CPEB3: variants seen among roughly 807,000 people sequenced by gnomAD.
The protein encoded by CPEB3 is cytoplasmic polyadenylation element binding protein 3, also known as cytoplasmic polyadenylation element-binding protein 3.
Under a neutral mutation model 67.2 loss-of-function variants are expected in CPEB3, and 20 were observed. The observed-to-expected ratio is 0.30, with a 90% confidence interval of 0.21 to 0.43. The LOEUF is 0.43. CPEB3 is among the 20% of genes least tolerant of loss of function. CPEB3 has a pLI of 1.00. For missense variants in CPEB3, 746 were observed against 968.6 expected, an observed-to-expected ratio of 0.77 and a Z score of 3.05; for synonymous variants, 376 against 393.1, an observed-to-expected ratio of 0.96 and a Z score of 0.51.
At chr10:92,172,896 T>C (rs762326841) in intron 4 of CPEB3, among the ~76,000 whole-genome samples, 5 of 152,356 alleles carry the variant, frequency 3.3e-5, no homozygotes, top group Non-Finnish European at 7.3e-5. Flanking sequence ...TAGATCTATA[T>C]GTGTTATAAC....
At chr10:92,179,020 T>C (rs949306876) in intron 4 of CPEB3, among the ~76,000 whole-genome samples, 2 of 152,116 alleles carry the variant, frequency 1.3e-5, no homozygotes, top group African/African-American at 4.8e-5. Context: ...CATTCAAAGA[T>C]TGATGCACTC....
At chr10:92,264,403 C>CTAT (rs1156703910) in intron 1 of CPEB3, among the ~76,000 whole-genome samples, 2 of 151,904 alleles carry the variant, frequency 1.3e-5, no homozygotes, top group Non-Finnish European at 2.9e-5. Flanking sequence ...AAGCTCAGGT[C>CTAT]TATTTTTATT....
chr10:92,103,389 C>T (rs1212726445), intron 7 of CPEB3, among the ~76,000 whole-genome samples: 1 of 152,214 alleles, frequency 6.6e-6, no homozygotes, highest in Non-Finnish European at 1.5e-5. Flanking sequence ...ACTTAAACAG[C>T]ACCACACCAT....
At chr10:92,146,172 G>A (rs1197277459) in intron 4 of CPEB3, among the ~76,000 whole-genome samples, 3 of 152,060 alleles carry the variant, frequency 2.0e-5, no homozygotes, top group Non-Finnish European at 4.4e-5. Flanking sequence ...AGTTTGTAGA[G>A]CAAAAGTATC....
intron 4 of CPEB3, among the ~76,000 whole-genome samples, chr10:92,153,226 T>G (rs182193650): frequency 6.6e-6 from 1 of 152,360 alleles, no homozygotes; most frequent in East Asian, 1.9e-4. Flanking sequence ...CTGGAATAGC[T>G]GATCTCTCTT....
intron 6 of CPEB3, among the ~76,000 whole-genome samples, chr10:92,119,350 C>T (rs1156516983): frequency 2.6e-5 from 4 of 152,100 alleles, no homozygotes; most frequent in African/African-American, 9.7e-5. Flanking sequence ...TCTAGTTTTC[C>T]CCTTGTTTCT....
At position 92,052,381 on chromosome 10, in the gene CPEB3, C is replaced by T. The variant is rs1284918101; in HGVS notation, c.1928G>A (p.Arg643His). The T allele has an allele frequency of 1.4e-5, 22 of 1,614,094 alleles. No individual in the cohort carries two copies. Among genetic ancestry groups the T allele is most frequent in the African/African-American group, 4.0e-5 (3 of 74,946 alleles). ...GAACGGGGCAAACTTCCCACCACAGCGTGTGCCCTGGCACTCATCACACAT... is the reference window on the plus strand; with the variant it reads ...GAACGGGGCAAACTTCCCACCACAGTGTGTGCCCTGGCACTCATCACACAT... ...DQMCDECQGT[R>H]CGGKFAPFFC... is the part of the protein sequence containing the mutation. The change falls in exon 10 of 10, where the codon CGC (arginine) becomes CAC (histidine). Residue 643 changes from arginine to histidine, a missense_variant. Around this residue, in one of 2 missense-constraint regions of CPEB3, gnomAD observed 103 missense variants for 251.1 expected, o/e 0.41. Coordinates refer to ENST00000265997, the MANE Select transcript of CPEB3 (RefSeq NM_014912.5).
intron 6 of CPEB3, among the ~76,000 whole-genome samples, chr10:92,120,723 CAG>C (rs1564796540): frequency 6.6e-6 from 1 of 151,546 alleles, no homozygotes; most frequent in Non-Finnish European, 1.5e-5. Context: ...TTTTTTGAGA[CAG>C]AGTCTTACTC....
At chr10:92,076,802 A>AGAG (rs1220619445) in intron 9 of CPEB3, among the ~76,000 whole-genome samples, 1 of 151,116 alleles carries the variant, frequency 6.6e-6, no homozygotes, top group Admixed American at 6.6e-5. Context: ...AGAAGGAGAA[A>AGAG]GAGGAGGAGG....
intron 3 of CPEB3, among the ~76,000 whole-genome samples, chr10:92,182,858 A>C (rs1412557958): frequency 6.6e-6 from 1 of 151,850 alleles, no homozygotes; most frequent in Non-Finnish European, 1.5e-5. Context: ...GCAGGGAAAA[A>C]CAAAACCCTC....
chr10:92,088,990 T>C (rs1843497200), intron 8 of CPEB3, among the ~76,000 whole-genome samples: 1 of 152,234 alleles, frequency 6.6e-6, no homozygotes, highest in Admixed American at 6.5e-5. Context: ...CTGAAATCTT[T>C]TGACTGTCTG....
At chr10:92,283,625 C>T (rs1842395020) in intron 1 of CPEB3, among the ~76,000 whole-genome samples, 1 of 152,104 alleles carries the variant, frequency 6.6e-6, no homozygotes, top group African/African-American at 2.4e-5. Flanking sequence ...TCAAAATTTC[C>T]AGGGCAGTTC....
At position 92,145,173 on chromosome 10, in the gene CPEB3, T is replaced by A. The variant is rs556287259; in HGVS notation, c.1223-88A>T. On this transcript the variant is annotated intron_variant, in intron 4 of 9. Coordinates refer to ENST00000265997, the MANE Select transcript of CPEB3 (RefSeq NM_014912.5). The stretch of plus-strand genomic sequence containing the variant: ...ATTTTCTAGGACAATAAATGCTCTA[T>A]TAGAAGCCCGAAGTGCAGAGAGAAG... The A allele has an allele frequency of 7.2e-5, 106 of 1,477,164 alleles. No individual in the cohort carries two copies. In the Middle Eastern group the frequency reaches 2.1e-3, roughly 29 times the overall value. 91.5% of individuals were successfully genotyped at this position (1,477,164 alleles called of 1,614,324 possible).
intron 1 of CPEB3, among the ~76,000 whole-genome samples, chr10:92,255,014 T>C (rs1181275215): frequency 6.6e-6 from 1 of 152,102 alleles, no homozygotes; most frequent in East Asian, 1.9e-4. Context: ...AGTTCTCTTG[T>C]CTGTAACTCC....
At chr10:92,234,654 C>A (rs1274191262) in intron 2 of CPEB3, among the ~76,000 whole-genome samples, 2 of 152,094 alleles carry the variant, frequency 1.3e-5, no homozygotes, top group African/African-American at 4.8e-5. Flanking sequence ...ATAGGCCGGG[C>A]ACAGTGGCTC....
chr10:92,211,189 C>T (rs181937620), intron 2 of CPEB3, among the ~76,000 whole-genome samples: 26 of 152,242 alleles, frequency 1.7e-4, no homozygotes, highest in African/African-American at 6.3e-4. Context: ...ACTGGTGGAA[C>T]AATATAAGCA....
chr10:92,289,732 A>AAAAAAAAAAAATATAT, intron 1 of CPEB3, among the ~76,000 whole-genome samples: 8 of 75,772 alleles, frequency 1.1e-4, no homozygotes, highest in African/African-American at 1.5e-4. Context: ...AAAAAAAAAA[A>AAAAAAAAAAAATATAT]ATATATATAT....
intron 1 of CPEB3, among the ~76,000 whole-genome samples, chr10:92,276,503 T>C (rs945243246): frequency 6.6e-6 from 1 of 151,964 alleles, no homozygotes; most frequent in East Asian, 1.9e-4. Context: ...GGTCTTGAAC[T>C]CCTGACCTCA....
chr10:92,222,594 G>C (rs1850756497), intron 2 of CPEB3, among the ~76,000 whole-genome samples: 1 of 152,114 alleles, frequency 6.6e-6, no homozygotes, highest in South Asian at 2.1e-4. Context: ...TTAAAACTTT[G>C]CATTGGGTGC....
Sources: gnomAD v4.1 joint callset for allele counts (sites outside exome capture counted in the v4.1 genomes callset) on GRCh38, gnomAD v4.1.1 for gene constraint, gnomAD v4.1.1 regional missense constraint, MANE v1.5 for transcripts, NCBI Gene and HGNC (gene_info 2026-07-23, HGNC 2026-07-21) for gene names.